KALRN: variants seen among roughly 807,000 people sequenced by gnomAD.
KALRN encodes the protein kalirin.
A neutral mutation model predicts 353.7 loss-of-function variants in KALRN; 70 were observed. The ratio of observed to expected loss-of-function variants is 0.20; its 90% CI spans 0.16 to 0.24. The LOEUF (loss-of-function observed/expected upper bound fraction) is 0.24, where lower values mean the gene tolerates loss of function less well. Among genes scored for constraint, KALRN ranks in the 10% least tolerant of loss-of-function variants. KALRN has a pLI of 1.00. For synonymous variants in KALRN, 1,391 were observed against 1,434.8 expected (o/e 0.97, Z 0.69); for missense variants, 2,791 against 3,756.7 (o/e 0.74, Z 6.72).
In KALRN at chr3:124,385,042, G is replaced by C; in HGVS notation, c.1962+6G>C. ...TCCACACACACACCAAAGAGGTAAGGGGAGCTAGTGGAGAGAGGGCATTCT... is the reference window on the plus strand; with the variant it reads ...TCCACACACACACCAAAGAGGTAAGCGGAGCTAGTGGAGAGAGGGCATTCT... On this transcript the variant is annotated splice_donor_region_variant and intron_variant, in intron 11 of 59. Transcript: ENST00000682506. 1 of 1,579,566 alleles carries C rather than the reference G, an allele frequency of 6.3e-7. No individual in the cohort carries two copies. The highest frequency in any genetic ancestry group is 8.6e-7 in the Non-Finnish European group (1 of 1,158,532).
chr3:124,631,989 G>C (rs1236660211), intron 34 of KALRN, among the ~76,000 whole-genome samples: 1 of 152,200 alleles, frequency 6.6e-6, no homozygotes, highest in Non-Finnish European at 1.5e-5. Context: ...GTCATGTCAT[G>C]AGACTGGCCC....
chr3:124,523,988 CCATT>C (rs1198723120), intron 33 of KALRN, among the ~76,000 whole-genome samples: 1 of 152,212 alleles, frequency 6.6e-6, no homozygotes, highest in Non-Finnish European at 1.5e-5. Flanking sequence ...GCCATTGGGA[CCATT>C]CATTTATTCA....
chr3:124,099,166 A>G (rs1042345222), intron 1 of KALRN, among the ~76,000 whole-genome samples: 2 of 152,198 alleles, frequency 1.3e-5, no homozygotes, highest in Non-Finnish European at 2.9e-5. Context: ...TAGTGTTATT[A>G]ATGATTGTCA....
At chr3:124,468,308 A>AC (rs1294069304) in intron 25 of KALRN, among the ~76,000 whole-genome samples, 1 of 152,094 alleles carries the variant, frequency 6.6e-6, no homozygotes, top group Non-Finnish European at 1.5e-5. Context: ...TCTGGTTGCC[A>AC]CCCATAAATT....
rs115596096 is a variant in KALRN, at chr3:124,410,221, C to T, written c.2347-3249C>T. On this transcript the variant is annotated intron_variant, in intron 13 of 59. Coordinates refer to ENST00000682506, the MANE Select transcript of KALRN (RefSeq NM_001388419.1). ...TCTCCCTCACCAGGACCGTCGGCAC[C>T]TTCCACTCCATAGATTCCTGGCTAT... 2.3e-3 allele frequency: 1,235 copies of T among 533,188 alleles called. 16 individuals are homozygous for T. The highest frequency in any genetic ancestry group is 0.021 in the African/African-American group (1,100 of 52,064). 33.0% of individuals were successfully genotyped at this position (533,188 alleles called of 1,614,324 possible).
chr3:124,610,314 G>T (rs34151455), intron 34 of KALRN, among the ~76,000 whole-genome samples: 47,173 of 152,066 alleles, frequency 0.31, 7,386 homozygotes, highest in South Asian at 0.34. Flanking sequence ...AAGAGGATGG[G>T]GCATCCCACA....
At chr3:124,365,230 A>G (rs1294702259) in intron 10 of KALRN, among the ~76,000 whole-genome samples, 1 of 152,190 alleles carries the variant, frequency 6.6e-6, no homozygotes, top group Non-Finnish European at 1.5e-5. Context: ...TCCATGCCTT[A>G]TATACTGAGC....
intron 11 of KALRN, 42 bp from the exon 12 acceptor site, chr3:124,395,093 C>T (rs777955722): frequency 6.4e-7 from 1 of 1,553,620 alleles, no homozygotes; most frequent in East Asian, 2.3e-5. Flanking sequence ...GCCCTGGCCT[C>T]TCCCATCTTC....
At chr3:124,308,378 C>G (rs2077912662) in intron 6 of KALRN, among the ~76,000 whole-genome samples, 1 of 151,872 alleles carries the variant, frequency 6.6e-6, no homozygotes, top group East Asian at 1.9e-4. Flanking sequence ...ATAATCTTCT[C>G]CAGGACATGA....
chr3:124,393,268 T>C (rs1182016974), intron 11 of KALRN, among the ~76,000 whole-genome samples: 2 of 152,192 alleles, frequency 1.3e-5, no homozygotes, highest in Non-Finnish European at 2.9e-5. Flanking sequence ...GCCTGGCCCC[T>C]GAAACTCTGC....
At chr3:124,283,444 T>C (rs1027673778) in intron 5 of KALRN, among the ~76,000 whole-genome samples, 8 of 152,192 alleles carry the variant, frequency 5.3e-5, no homozygotes, top group African/African-American at 1.9e-4. Flanking sequence ...TATCAGCATT[T>C]GTGGTTCAAA....
chr3:124,299,744 T>C (rs183465206), intron 6 of KALRN, among the ~76,000 whole-genome samples: 1 of 152,298 alleles, frequency 6.6e-6, no homozygotes, highest in African/African-American at 2.4e-5. Context: ...AATGCTGGTG[T>C]TATGATAATG....
intron 34 of KALRN, among the ~76,000 whole-genome samples, chr3:124,629,235 T>C (rs2080457948): frequency 6.6e-6 from 1 of 152,188 alleles, no homozygotes; most frequent in Non-Finnish European, 1.5e-5. Flanking sequence ...GCTAATGGTA[T>C]CACTTCTTGC....
intron 1 of KALRN, among the ~76,000 whole-genome samples, chr3:124,137,011 C>T (rs1017261483): frequency 6.6e-6 from 1 of 151,838 alleles, no homozygotes; most frequent in African/African-American, 2.4e-5. Flanking sequence ...AGAGTTTGGG[C>T]ACCTGGAAAG....
chr3:124,327,280 T>G (rs565991838), intron 7 of KALRN, among the ~76,000 whole-genome samples: 2 of 152,306 alleles, frequency 1.3e-5, no homozygotes, highest in South Asian at 2.1e-4. Context: ...AAAACTGTTA[T>G]TTGGTTCAGC....
intron 1 of KALRN, among the ~76,000 whole-genome samples, chr3:124,130,411 C>T (rs116257036): frequency 6.6e-5 from 10 of 152,156 alleles, no homozygotes; most frequent in Non-Finnish European, 5.9e-5. Context: ...TGCTTAAAGA[C>T]TAACATCAGT....
intron 1 of KALRN, among the ~76,000 whole-genome samples, chr3:124,086,154 G>A (rs2060807944): frequency 6.6e-6 from 1 of 151,824 alleles, no homozygotes; most frequent in Admixed American, 6.6e-5. Context: ...AGAATACACT[G>A]CAATGTGTGT....
At position 124,671,804 on chromosome 3, in the gene KALRN, A is replaced by G. The variant is rs745481870; in HGVS notation, c.6848A>G (p.Tyr2283Cys). The G allele has an allele frequency of 3.1e-6, 5 of 1,614,212 alleles. No individual in the cohort carries two copies. Among genetic ancestry groups the G allele is most frequent in the East Asian group, 2.2e-5 (1 of 44,884 alleles). ...GSEKPPKGSSYNPPLPPLKIS... is the reference protein window; with the variant it reads ...GSEKPPKGSSCNPPLPPLKIS... ...GAGAAGCCCCCAAAGGGCTCCAGCT[A>G]TAACCCACCTCTGCCTCCCCTGAAG... is the stretch of plus-strand genomic sequence containing the variant. Residue 2283 changes from tyrosine (Y) to cysteine (C), a missense_variant, in exon 48 of 60, where the codon TAT becomes TGT. Tyr to Cys is a radical substitution (Grantham distance 194). Coordinates refer to ENST00000682506, the MANE Select transcript of KALRN (RefSeq NM_001388419.1).
At chr3:124,293,128 G>A (rs1203298317) in intron 5 of KALRN, among the ~76,000 whole-genome samples, 3 of 152,200 alleles carry the variant, frequency 2.0e-5, no homozygotes, top group Non-Finnish European at 4.4e-5. Flanking sequence ...AAGCTTTTAT[G>A]GATGCACCAC....
Sources: allele counts gnomAD v4.1 joint callset (sites outside exome capture counted in the v4.1 genomes callset), GRCh38; gene constraint gnomAD v4.1.1; transcripts MANE v1.5; gene names NCBI Gene and HGNC (gene_info 2026-07-23, HGNC 2026-07-21).